Variants in UGGT2 observed in about 807,000 individuals in gnomAD.
UGGT2 encodes UDP-glucose:glycoprotein glucosyltransferase 2.
Under a neutral mutation model 192.1 loss-of-function variants are expected in UGGT2, and 180 were observed. That is an observed-to-expected ratio of 0.94 (90% CI 0.83 to 1.06). UGGT2 has a LOEUF of 1.06. UGGT2 is among the 50% of genes least tolerant of loss of function. The pLI is 0.00. For synonymous variants in UGGT2, 580 were observed against 591.0 expected, an observed-to-expected ratio of 0.98 and a Z score of 0.27; for missense variants, 1,849 against 1,795.7, an observed-to-expected ratio of 1.03 and a Z score of -0.54.
At chr13:95,905,396 C>T (rs1191904695) in intron 20 of UGGT2, among the ~76,000 whole-genome samples, 1 of 151,802 alleles carries the variant, frequency 6.6e-6, no homozygotes, top group Non-Finnish European at 1.5e-5. Flanking sequence ...AATGGTAATG[C>T]CTAGGTTTTC....
chr13:95,827,221 T>TA (rs1387509257), intron 38 of UGGT2, among the ~76,000 whole-genome samples: 1 of 152,166 alleles, frequency 6.6e-6, no homozygotes, highest in Non-Finnish European at 1.5e-5. Context: ...GTTATGGGTT[T>TA]AATTCATATT....
intron 38 of UGGT2, among the ~76,000 whole-genome samples, chr13:95,806,826 T>G (rs887823313): frequency 6.6e-6 from 1 of 152,134 alleles, no homozygotes; most frequent in African/African-American, 2.4e-5. Flanking sequence ...GACAACTAGA[T>G]AGCCATATGC....
At chr13:96,022,033 C>G (rs558239333) in intron 4 of UGGT2, among the ~76,000 whole-genome samples, 2 of 151,986 alleles carry the variant, frequency 1.3e-5, no homozygotes, top group Non-Finnish European at 2.9e-5. Context: ...GAAAAAAGAG[C>G]CACAATGAAG....
intron 20 of UGGT2, among the ~76,000 whole-genome samples, chr13:95,922,649 C>T (rs536704222): frequency 6.8e-4 from 103 of 151,432 alleles, no homozygotes; most frequent in African/African-American, 2.1e-3. Context: ...TGGCAAAACC[C>T]GTCTCTACAA....
intron 6 of UGGT2, among the ~76,000 whole-genome samples, chr13:95,996,756 T>C (rs1411423894): frequency 6.6e-6 from 1 of 152,154 alleles, no homozygotes; most frequent in Non-Finnish European, 1.5e-5. Flanking sequence ...GTTTAGCTTT[T>C]AAGTGAGGCA....
chr13:95,877,171 T>A (rs1891774985), intron 29 of UGGT2, 108 bp downstream of exon 29: 1 of 949,392 alleles, frequency 1.1e-6, no homozygotes, highest in Non-Finnish European at 1.5e-6. Flanking sequence ...CTTGAGCCAC[T>A]GCGCCAGGCC....
intron 36 of UGGT2, among the ~76,000 whole-genome samples, chr13:95,838,714 A>G (rs1887556951): frequency 6.6e-6 from 1 of 152,174 alleles, no homozygotes; most frequent in South Asian, 2.1e-4. Context: ...AATCAAAGAA[A>G]GAAAAACCTT....
intron 37 of UGGT2, among the ~76,000 whole-genome samples, chr13:95,834,066 G>A (rs181192094): frequency 1.3e-5 from 2 of 152,024 alleles, no homozygotes; most frequent in Non-Finnish European, 2.9e-5. Context: ...TGAGGTAAGT[G>A]GACAACACAA....
Position 95,807,716 on chromosome 13 carries a change from C to CTTTTTTT in UGGT2, c.4529-5911_4529-5905dup. Among the ~76,000 whole-genome samples, 18 of 78,696 alleles carry CTTTTTTT rather than the reference C, an allele frequency of 2.3e-4. 2 individuals carry two copies. The highest frequency in any genetic ancestry group is 1.0e-3 in the East Asian group (3 of 2,898). The allele number at this position is 78,696 out of a possible 152,430, so 51.6% of individuals were successfully genotyped here. ...GTATCTTGAAACCCTCAGCCCTCAC[C>CTTTTTTT]TTTTTTTTTTTTTTTTTTTGCCGTA... On this transcript the variant is annotated intron_variant, in intron 38 of 38. Transcript: ENST00000376747.
chr13:95,813,450 G>A (rs1400022504), intron 38 of UGGT2, among the ~76,000 whole-genome samples: 1 of 152,178 alleles, frequency 6.6e-6, no homozygotes, highest in Admixed American at 6.5e-5. Flanking sequence ...GTATCTGGTA[G>A]AAGAAATTTC....
At chr13:95,803,979 A>G (rs924079152) in intron 38 of UGGT2, among the ~76,000 whole-genome samples, 6 of 152,216 alleles carry the variant, frequency 3.9e-5, no homozygotes, top group African/African-American at 1.4e-4. Flanking sequence ...GATATTAGAA[A>G]AAATCCACGA....
At position 96,023,617 on chromosome 13, in the gene UGGT2, A is replaced by G; in HGVS notation, c.372+12T>C. 1.2e-6 allele frequency: 2 copies of G among 1,601,476 alleles called. No homozygotes were observed. The highest frequency in any genetic ancestry group is 1.7e-6 in the Non-Finnish European group (2 of 1,173,526). On this transcript the variant is annotated intron_variant, in intron 3 of 38. Transcript: ENST00000376747. ...CCTCTTTGTCAAATACAGATTGGGT[A>G]TTTTTACGCACCTGCTGAAACATCT...
chr13:95,891,764 C>G (rs1350999453), intron 24 of UGGT2, among the ~76,000 whole-genome samples: 1 of 152,022 alleles, frequency 6.6e-6, no homozygotes, highest in African/African-American at 2.4e-5. Context: ...GTTACCAAAT[C>G]AAGAGGTACA....
rs1316601383 is a variant in UGGT2, at chr13:95,927,130, A to T, written c.2102-4T>A. Reference sequence around the variant, plus strand: ...AAATCTTCAACATCAGCAGTTACTGAAAAATTTCAAATTAAACGTTAAATA... The same window carrying T: ...AAATCTTCAACATCAGCAGTTACTGTAAAATTTCAAATTAAACGTTAAATA... On this transcript the variant is annotated splice_polypyrimidine_tract_variant and splice_region_variant and intron_variant, in intron 18 of 38. Coordinates refer to ENST00000376747, the MANE Select transcript of UGGT2 (RefSeq NM_020121.4). 1.2e-6 allele frequency: 2 copies of T among 1,607,480 alleles called. No homozygotes were observed. The highest frequency in any genetic ancestry group is 1.7e-5 in the Admixed American group (1 of 57,990).
chr13:96,012,156 C>T (rs1026858619), intron 5 of UGGT2, among the ~76,000 whole-genome samples: 3 of 151,956 alleles, frequency 2.0e-5, no homozygotes, highest in Admixed American at 1.3e-4. Flanking sequence ...ATATACATGT[C>T]TATATGAAAA....
intron 26 of UGGT2, among the ~76,000 whole-genome samples, chr13:95,885,464 CA>C (rs2047618974): frequency 6.6e-6 from 1 of 152,262 alleles, no homozygotes; most frequent in East Asian, 1.9e-4. Context: ...CAATATGCTT[CA>C]AAAGAGAAGC....
At chr13:95,995,925 TAAA>T in intron 7 of UGGT2, 135 bp downstream of exon 7, 1 of 722,540 alleles carries the variant, frequency 1.4e-6, no homozygotes, top group Non-Finnish European at 2.3e-6. Flanking sequence ...CTGTAATAAA[TAAA>T]AACAATCGTA....
intron 29 of UGGT2, among the ~76,000 whole-genome samples, chr13:95,875,165 G>A (rs1166039963): frequency 6.6e-6 from 1 of 152,054 alleles, no homozygotes; most frequent in South Asian, 2.1e-4. Flanking sequence ...GGCATATCTC[G>A]TGGTTTTAAT....
chr13:95,871,859 T>C (rs575089491), intron 29 of UGGT2, among the ~76,000 whole-genome samples: 1 of 151,864 alleles, frequency 6.6e-6, no homozygotes, highest in East Asian at 1.9e-4. Flanking sequence ...CTTTTAAGAG[T>C]CCGCAGAGAG....
Sources: gnomAD v4.1 joint callset for allele counts (sites outside exome capture counted in the v4.1 genomes callset) on GRCh38, gnomAD v4.1.1 for gene constraint, MANE v1.5 for transcripts, NCBI Gene and HGNC (gene_info 2026-07-23, HGNC 2026-07-21) for gene names.